Variants in PBRM1 observed in about 807,000 individuals in gnomAD.
PBRM1 encodes polybromo 1, also known as protein polybromo-1.
In PBRM1, 27 loss-of-function variants were observed where a neutral mutation model predicts 194.5. The observed-to-expected ratio is 0.14, with a 90% CI of 0.10 to 0.19. The LOEUF (loss-of-function observed/expected upper bound fraction) is 0.19, where lower values mean the gene tolerates loss of function less well. PBRM1 is among the 10% of genes least tolerant of loss of function. The pLI is 1.00. For missense variants in PBRM1, 1,466 were observed against 2,077.2 expected (o/e 0.71, Z 5.72); for synonymous variants, 655 against 693.2 (o/e 0.94, Z 0.87).
At chr3:52,580,227 G>A (rs543071592) in intron 20 of PBRM1, among the ~76,000 whole-genome samples, 2 of 152,224 alleles carry the variant, frequency 1.3e-5, no homozygotes, top group South Asian at 4.1e-4. Flanking sequence ...GAAACAGAAT[G>A]AGACCCTATC....
chr3:52,548,879 G>C (rs1245373726), intron 29 of PBRM1, among the ~76,000 whole-genome samples: 1 of 152,120 alleles, frequency 6.6e-6, no homozygotes, highest in Admixed American at 6.5e-5. Context: ...TAGAAATCAA[G>C]AACAAGTAGA....
Position 52,583,417 on chromosome 3 carries a change from C to CA in PBRM1, c.3387+3007dup, listed in dbSNP as rs935286733. On this transcript the variant is annotated intron_variant, in intron 20 of 29. Coordinates refer to ENST00000296302, the Ensembl canonical transcript of PBRM1. ...CAGTGAGACTCCATCTAAAAAAAAA[C>CA]AAAAAAAAAAACACCAATAGGAGAA... Among the ~76,000 whole-genome samples the CA allele has an allele frequency of 3.7e-3, 524 of 139,776 alleles. 1 individual carries two copies. The highest frequency in any genetic ancestry group is 5.7e-3 in the Non-Finnish European group (363 of 63,552). 91.7% of individuals were successfully genotyped at this position (139,776 alleles called of 152,430 possible).
At chr3:52,564,333 A>G in intron 22 of PBRM1, 100 bp from the exon 25 acceptor site, 1 of 865,308 alleles carries the variant, frequency 1.2e-6, no homozygotes, top group Non-Finnish European at 1.8e-6. Context: ...CATTCATATA[A>G]TTAACAATTT....
chr3:52,651,705 C>G (rs1382167775), intron 6 of PBRM1, 37 bp downstream of exon 7: 15 of 1,318,470 alleles, frequency 1.1e-5, no homozygotes, highest in Non-Finnish European at 1.6e-5. Context: ...CCAATCTGCT[C>G]TAAACCACAA....
chr3:52,683,642 C>T (rs972433706), upstream of PBRM1, among the ~76,000 whole-genome samples: 5 of 151,568 alleles, frequency 3.3e-5, no homozygotes, highest in Admixed American at 6.6e-5. Context: ...GGTGAAACCC[C>T]GTCTCTATCA....
chr3:52,644,410 G>A (rs549712293), intron 8 of PBRM1, among the ~76,000 whole-genome samples: 4 of 151,530 alleles, frequency 2.6e-5, no homozygotes, highest in South Asian at 4.2e-4. Context: ...TTTTGAGACC[G>A]AGTCTCGCTC....
Position 52,609,061 on chromosome 3 carries a change from G to A in PBRM1, c.2567+252C>T, listed in dbSNP as rs2094486736. The A allele has an allele frequency of 5.1e-6, 2 of 395,096 alleles. No individual in the cohort carries two copies. The highest frequency in any genetic ancestry group is 2.1e-5 in the African/African-American group (1 of 48,726). 24.5% of individuals were successfully genotyped at this position (395,096 alleles called of 1,614,324 possible). A position where few individuals can be genotyped will look rare whatever the true frequency, so the allele number is the denominator to read the frequency against. The stretch of plus-strand genomic sequence containing the variant: ...ATGAAAGGCTGTATTTTAAGTTTAT[G>A]CTTTTCAAGAGATTTTCAATTTTGT... On this transcript the variant is annotated intron_variant, in intron 16 of 29. Transcript: ENST00000296302. This position sits in a 1 kb window ranked among gnomAD's most constrained non-coding sequence, Gnocchi z 4.1.
At chr3:52,580,577 T>C (rs2153698607) in intron 20 of PBRM1, among the ~76,000 whole-genome samples, 1 of 152,284 alleles carries the variant, frequency 6.6e-6, no homozygotes, top group East Asian at 1.9e-4. Context: ...TTAGCCAGGA[T>C]GGTCTTGATC....
At chr3:52,554,935 G>A in intron 26 of PBRM1, 56 bp from the exon 29 acceptor site, 2 of 1,506,998 alleles carry the variant, frequency 1.3e-6, no homozygotes, top group East Asian at 2.3e-5. Flanking sequence ...CATGAGCTAA[G>A]TAATAACAAC....
At chr3:52,642,068 T>A (rs2153708886) in intron 9 of PBRM1, 23 bp from the exon 11 acceptor site, 7 of 1,126,332 alleles carry the variant, frequency 6.2e-6, no homozygotes, top group Non-Finnish European at 9.4e-6. Context: ...AAAAAGCAAT[T>A]AGACAGGGAA....
At chr3:52,665,233 C>G (rs562423328) in intron 3 of PBRM1, among the ~76,000 whole-genome samples, 2 of 152,138 alleles carry the variant, frequency 1.3e-5, no homozygotes, top group Non-Finnish European at 2.9e-5. Flanking sequence ...TAGCACATTA[C>G]GGCCTTGAAC....
At chr3:52,550,237 A>C (rs1205440062) in intron 29 of PBRM1, among the ~76,000 whole-genome samples, 184 bp downstream of exon 31, 1 of 149,030 alleles carries the variant, frequency 6.7e-6, no homozygotes, top group East Asian at 1.9e-4. Flanking sequence ...ACAAAACAAA[A>C]CAAACCATTT....
intron 13 of PBRM1, among the ~76,000 whole-genome samples, chr3:52,618,748 C>A (rs1249923523): frequency 6.6e-6 from 1 of 151,260 alleles, no homozygotes; most frequent in Non-Finnish European, 1.5e-5. Context: ...GCGCCTGCCA[C>A]GACGCCCTGC....
intron 22 of PBRM1, among the ~76,000 whole-genome samples, chr3:52,566,660 G>T (rs1472607907): frequency 1.3e-5 from 2 of 152,120 alleles, no homozygotes; most frequent in African/African-American, 4.8e-5. Flanking sequence ...CAGGGGGAAG[G>T]GGAAAATAAA....
At chr3:52,642,380 C>T (rs929577666) in intron 9 of PBRM1, among the ~76,000 whole-genome samples, 18 of 151,756 alleles carry the variant, frequency 1.2e-4, no homozygotes, top group African/African-American at 1.2e-4. Context: ...TTTGGGAGGC[C>T]GAGGCAGGTG....
chr3:52,642,124 A>G lies in PBRM1; in HGVS notation c.996-79T>C, dbSNP rs2096116820. On this transcript the variant is annotated intron_variant, in intron 9 of 29. Transcript: ENST00000296302. ...TACTTTACAGGGAACAGGAACTATTAACAAAGTGTTAAGATGAAAGAAAAA... is the reference window on the plus strand; with the variant it reads ...TACTTTACAGGGAACAGGAACTATTGACAAAGTGTTAAGATGAAAGAAAAA... The G allele has an allele frequency of 7.7e-6, 6 of 783,434 alleles. No individual in the cohort carries two copies. The East Asian group carries it at 1.2e-4, about 16-fold the overall frequency. The allele number at this position is 783,434 out of a possible 1,614,324, so 48.5% of individuals were successfully genotyped here.
At chr3:52,633,026 T>A (rs2095671985) in intron 11 of PBRM1, among the ~76,000 whole-genome samples, 1 of 152,110 alleles carries the variant, frequency 6.6e-6, no homozygotes, top group South Asian at 2.1e-4. Flanking sequence ...AAGTGTACAG[T>A]TTAGTAGTAT....
chr3:52,618,171 C>T (rs1035035232), intron 13 of PBRM1, among the ~76,000 whole-genome samples: 2 of 152,102 alleles, frequency 1.3e-5, no homozygotes, highest in Non-Finnish European at 2.9e-5. Flanking sequence ...AAAGAATAAG[C>T]GGTGTGGTTA....
upstream of PBRM1, among the ~76,000 whole-genome samples, chr3:52,684,231 CA>C (rs2097269671): frequency 2.0e-5 from 3 of 149,188 alleles, no homozygotes; most frequent in Admixed American, 6.7e-5. Context: ...TTTGTCTTTC[CA>C]TGAAGAGGAA....
Sources: gnomAD v4.1 joint callset for allele counts (sites outside exome capture counted in the v4.1 genomes callset) on GRCh38, gnomAD v4.1.1 for gene constraint, Gnocchi (gnomAD v3.1) non-coding constraint, MANE v1.5 for transcripts, NCBI Gene and HGNC (gene_info 2026-07-23, HGNC 2026-07-21) for gene names.